CACNA2D3: variants seen among roughly 807,000 people sequenced by gnomAD.
CACNA2D3 encodes voltage-dependent calcium channel subunit alpha-2/delta-3.
In CACNA2D3, 60 loss-of-function variants were observed where a neutral mutation model predicts 160.6. The ratio of observed to expected loss-of-function variants is 0.37; its 90% CI spans 0.30 to 0.46. CACNA2D3 has a LOEUF of 0.46. Among genes scored for constraint, CACNA2D3 ranks in the 20% least tolerant of loss-of-function variants. CACNA2D3 has a pLI of 1.00. For synonymous variants in CACNA2D3, 558 were observed against 492.9 expected (o/e 1.13, Z -1.75); for missense variants, 1,205 against 1,365.0 (o/e 0.88, Z 1.85).
At chr3:54,207,838 A>G (rs1007558157) in intron 2 of CACNA2D3, among the ~76,000 whole-genome samples, 3 of 151,990 alleles carry the variant, frequency 2.0e-5, no homozygotes, top group Non-Finnish European at 4.4e-5. Context: ...TTTCCACAAG[A>G]TTACTTTGGA....
At chr3:54,494,711 A>G (rs1234064936) in intron 4 of CACNA2D3, among the ~76,000 whole-genome samples, 21 of 152,188 alleles carry the variant, frequency 1.4e-4, no homozygotes, top group Admixed American at 1.4e-3. Flanking sequence ...GAGGCTGGGT[A>G]ATTTATAAAG....
At chr3:54,593,405 CAGTGG>C (rs1291978014) in intron 9 of CACNA2D3, among the ~76,000 whole-genome samples, 2 of 148,904 alleles carry the variant, frequency 1.3e-5, no homozygotes, top group Non-Finnish European at 1.5e-5. Context: ...GAGGGGAGGA[CAGTGG>C]AGGGGAGGGG....
rs1249020280 is a variant in CACNA2D3, at chr3:55,074,378, A to T, written c.*172A>T. The T allele has an allele frequency of 1.2e-5, 7 of 587,786 alleles. No individual in the cohort carries two copies. The highest frequency in any genetic ancestry group is 4.2e-5 in the South Asian group (2 of 47,926). 36.4% of individuals were successfully genotyped at this position (587,786 alleles called of 1,614,324 possible). ...GATATAAACTCTTAAAGATATGTTG[A>T]CAAAAAGTTATCTATCATCTTTTTA... is the stretch of plus-strand genomic sequence containing the variant. On this transcript the variant is annotated 3_prime_UTR_variant, in exon 38 of 38. Transcript: ENST00000474759.
intron 4 of CACNA2D3, among the ~76,000 whole-genome samples, chr3:54,450,627 G>A (rs1221830121): frequency 2.6e-5 from 4 of 151,864 alleles, no homozygotes; most frequent in Admixed American, 6.6e-5. Context: ...GCACCTCCCC[G>A]GCCCTCTCTC....
At chr3:55,029,913 A>C (rs559509710) in intron 35 of CACNA2D3, among the ~76,000 whole-genome samples, 1 of 152,198 alleles carries the variant, frequency 6.6e-6, no homozygotes, top group Non-Finnish European at 1.5e-5. Context: ...AAAACATGTA[A>C]ATCAATAGGA....
chr3:55,058,791 G>T (rs1405225906), intron 35 of CACNA2D3, among the ~76,000 whole-genome samples: 1 of 152,128 alleles, frequency 6.6e-6, no homozygotes, highest in African/African-American at 2.4e-5. Context: ...AACGTTACAT[G>T]CTCAGGCTCT....
intron 4 of CACNA2D3, among the ~76,000 whole-genome samples, chr3:54,463,270 C>T (rs1390677424): frequency 1.3e-5 from 2 of 152,032 alleles, no homozygotes; most frequent in Non-Finnish European, 2.9e-5. Flanking sequence ...TTGCTCTTCT[C>T]GAGGAGTATC....
intron 3 of CACNA2D3, among the ~76,000 whole-genome samples, chr3:54,373,879 C>T (rs931923648): frequency 2.0e-5 from 3 of 152,112 alleles, no homozygotes; most frequent in African/African-American, 4.8e-5. Context: ...TGGCCCAAAT[C>T]GGTTTCTCAA....
intron 13 of CACNA2D3, among the ~76,000 whole-genome samples, chr3:54,805,667 A>G (rs931705021): frequency 2.6e-5 from 4 of 152,224 alleles, no homozygotes; most frequent in Admixed American, 6.5e-5. Context: ...ATTCCAGTCA[A>G]TAGAAAAAGA....
intron 5 of CACNA2D3, among the ~76,000 whole-genome samples, chr3:54,515,049 G>A (rs183935654): frequency 2.6e-4 from 40 of 152,244 alleles, no homozygotes; most frequent in East Asian, 1.7e-3. Context: ...AGGTATGGAC[G>A]TTTCCTGGGA....
At chr3:55,024,354 A>C (rs1185664818) in intron 35 of CACNA2D3, among the ~76,000 whole-genome samples, 1 of 151,992 alleles carries the variant, frequency 6.6e-6, no homozygotes, top group Non-Finnish European at 1.5e-5. Context: ...AAACAGTCAC[A>C]TGTAACATGT....
At chr3:54,745,493 G>A (rs752119243) in intron 11 of CACNA2D3, among the ~76,000 whole-genome samples, 1 of 152,208 alleles carries the variant, frequency 6.6e-6, no homozygotes, top group Non-Finnish European at 1.5e-5. Flanking sequence ...AGGTCATAAG[G>A]CCTCAGACAT....
At chr3:54,503,342 C>T in intron 4 of CACNA2D3, 150 bp from the exon 5 acceptor site, 1 of 624,444 alleles carries the variant, frequency 1.6e-6, no homozygotes, top group East Asian at 2.6e-5. Context: ...GCAAAAGCAG[C>T]CATGGACAGT....
At chr3:54,825,995 A>G (rs1703740993) in intron 14 of CACNA2D3, among the ~76,000 whole-genome samples, 1 of 152,152 alleles carries the variant, frequency 6.6e-6, no homozygotes, top group Non-Finnish European at 1.5e-5. Context: ...CTTTTTGGCA[A>G]AATTTTTTTG....
chr3:54,811,628 G>T (rs1703321331), intron 13 of CACNA2D3, among the ~76,000 whole-genome samples: 1 of 151,724 alleles, frequency 6.6e-6, no homozygotes, highest in African/African-American at 2.4e-5. Flanking sequence ...CTCCCAAGTA[G>T]CTGGGATTAC....
At chr3:54,238,640 T>G (rs898961418) in intron 2 of CACNA2D3, among the ~76,000 whole-genome samples, 1 of 152,182 alleles carries the variant, frequency 6.6e-6, no homozygotes, top group African/African-American at 2.4e-5. Context: ...ATATACCCTG[T>G]TTTTCCTGAG....
At position 54,924,874 on chromosome 3, in the gene CACNA2D3, G is replaced by C. The variant is rs35540470; in HGVS notation, c.2449+25006G>C. ...CTCAGCTGAGGGAGGGAATGGAAAAGTCTGCTTTCCAGGGAAAGGAGTGAA... is the reference window on the plus strand; with the variant it reads ...CTCAGCTGAGGGAGGGAATGGAAAACTCTGCTTTCCAGGGAAAGGAGTGAA... On this transcript the variant is annotated intron_variant, in intron 27 of 37. Transcript: ENST00000474759. 2.4e-4 allele frequency: 392 copies of C among 1,613,770 alleles called. 2 individuals carry two copies. In the African/African-American group the frequency reaches 4.6e-3, roughly 19 times the overall value.
At chr3:54,661,965 A>G (rs778160648) in intron 11 of CACNA2D3, among the ~76,000 whole-genome samples, 2 of 151,876 alleles carry the variant, frequency 1.3e-5, no homozygotes, top group Non-Finnish European at 2.9e-5. Flanking sequence ...ACAGGCTTTC[A>G]TAGTACCTGC....
intron 27 of CACNA2D3, among the ~76,000 whole-genome samples, chr3:54,933,506 C>T (rs529915868): frequency 6.6e-6 from 1 of 152,302 alleles, no homozygotes; most frequent in East Asian, 1.9e-4. Context: ...AGAATTAAAT[C>T]ACATGACCAT....
Sources: allele counts gnomAD v4.1 joint callset (sites outside exome capture counted in the v4.1 genomes callset), GRCh38; gene constraint gnomAD v4.1.1; transcripts MANE v1.5; gene names NCBI Gene and HGNC (gene_info 2026-07-23, HGNC 2026-07-21).